The following FGD4 variants were observed in gnomAD, a reference collection of about 807,000 sequenced individuals.
The protein encoded by FGD4 is FYVE, RhoGEF and PH domain containing 4.
Under a neutral mutation model 102.0 loss-of-function variants are expected in FGD4, and 42 were observed. That is an observed-to-expected ratio of 0.41 (90% confidence interval 0.32 to 0.53). The LOEUF is 0.53. Ranked by LOEUF, FGD4 falls within the 20% of genes least tolerant of loss-of-function variation. The pLI is 0.21. For synonymous variants in FGD4, 380 were observed against 375.7 expected (o/e 1.01, Z -0.13); for missense variants, 902 against 1,078.2 (o/e 0.84, Z 2.29).
At chr12:32,581,921 A>G (rs760036390) in intron 3 of FGD4, 39 bp from the exon 4 acceptor site, 1 of 1,610,120 alleles carries the variant, frequency 6.2e-7, no homozygotes, top group East Asian at 2.2e-5. Flanking sequence ...ACTTTTCCAT[A>G]CCAATGTTTT....
chr12:32,608,226 G>C, intron 8 of FGD4, 131 bp downstream of exon 8: 1 of 1,312,330 alleles, frequency 7.6e-7, no homozygotes, highest in Non-Finnish European at 1.1e-6. Flanking sequence ...AATTTCATTG[G>C]AAATTGTTAT....
intron 1 of FGD4, among the ~76,000 whole-genome samples, chr12:32,487,280 G>A (rs1419902666): frequency 6.6e-6 from 1 of 152,126 alleles, no homozygotes; most frequent in Non-Finnish European, 1.5e-5. Context: ...AGATTTGTAA[G>A]CACAAACATT....
chr12:32,501,390 C>T (rs561104358), intron 1 of FGD4, among the ~76,000 whole-genome samples: 9 of 152,156 alleles, frequency 5.9e-5, no homozygotes, highest in Non-Finnish European at 1.0e-4. Flanking sequence ...CTTCCAAGGA[C>T]TTAACCTCTG....
chr12:32,475,338 G>C (rs1943557471), intron 1 of FGD4, among the ~76,000 whole-genome samples: 1 of 152,088 alleles, frequency 6.6e-6, no homozygotes, highest in African/African-American at 2.4e-5. Flanking sequence ...GATGTCTTAG[G>C]GGTTCACAAC....
At chr12:32,423,985 TTC>T (rs1283063394) in intron 1 of FGD4, among the ~76,000 whole-genome samples, 1 of 152,158 alleles carries the variant, frequency 6.6e-6, no homozygotes, top group East Asian at 1.9e-4. Flanking sequence ...GTATTTGTCT[TTC>T]TGTGCCTAGC....
intron 8 of FGD4, among the ~76,000 whole-genome samples, chr12:32,610,550 T>C (rs1258490058): frequency 1.3e-5 from 2 of 152,192 alleles, no homozygotes; most frequent in African/African-American, 4.8e-5. Flanking sequence ...TAATTAAACC[T>C]GTGAGCCTAA....
chr12:32,600,620 G>A (rs1457142542), intron 5 of FGD4: 21 of 249,690 alleles, frequency 8.4e-5, no homozygotes, highest in Non-Finnish European at 1.1e-4. Context: ...TTCAAGGTAC[G>A]TGTTACTATG....
chr12:32,438,843 C>A lies in FGD4; in HGVS notation c.166+38884C>A, dbSNP rs958017587. Among the ~76,000 whole-genome samples, 4 of 151,920 alleles carry A rather than the reference C, an allele frequency of 2.6e-5. No individual in the cohort carries two copies. In the South Asian group the frequency reaches 6.2e-4, roughly 24 times the overall value. On this transcript the variant is annotated intron_variant, in intron 1 of 16. Transcript: ENST00000534526. ...CAGGATGGTCTCGATCTCCTGACCT[C>A]GTGATCCGCCTGCCTTGGCCTCCCA...
At chr12:32,548,664 A>G (rs995728811) in intron 1 of FGD4, among the ~76,000 whole-genome samples, 1 of 152,200 alleles carries the variant, frequency 6.6e-6, no homozygotes, top group Admixed American at 6.5e-5. Context: ...GAATGAAGAG[A>G]AAGTGGACTG....
rs529930477 is a variant in FGD4, at chr12:32,629,781, A to G, written c.2173-3768A>G. Among the ~76,000 whole-genome samples the G allele has an allele frequency of 4.5e-4, 69 of 151,970 alleles. 1 individual carries two copies. Among genetic ancestry groups the G allele is most frequent in the East Asian group, 7.7e-4 (4 of 5,166 alleles). ...TTCCAAATCTGCCTGATCATTTTTG[A>G]TAGTGTTTGTTGTTTGCCACTTTAT... On this transcript the variant is annotated intron_variant, in intron 14 of 16. Transcript: ENST00000534526.
At chr12:32,611,956 C>T (rs575406780) in intron 10 of FGD4, among the ~76,000 whole-genome samples, 1 of 152,334 alleles carries the variant, frequency 6.6e-6, no homozygotes, top group African/African-American at 2.4e-5. Flanking sequence ...CACTGCCTGG[C>T]CTCTCCCCGC....
intron 10 of FGD4, among the ~76,000 whole-genome samples, chr12:32,616,317 C>G (rs1163496395): frequency 4.6e-5 from 7 of 152,162 alleles, no homozygotes; most frequent in Non-Finnish European, 8.8e-5. Context: ...GGCAAAGAAC[C>G]TTGGGGAAAG....
At chr12:32,551,107 T>C (rs1211311344) in intron 1 of FGD4, among the ~76,000 whole-genome samples, 2 of 152,072 alleles carry the variant, frequency 1.3e-5, no homozygotes, top group Admixed American at 1.3e-4. Context: ...TCCCAGAGAG[T>C]AGCAGAGGCA....
chr12:32,475,295 A>G (rs12831321), intron 1 of FGD4, among the ~76,000 whole-genome samples: 422 of 152,230 alleles, frequency 2.8e-3, no homozygotes, highest in Non-Finnish European at 4.2e-3. Context: ...CCACTGGTAT[A>G]TTTCTCTGAA....
chr12:32,577,084 AAAC>A (rs1236650361), intron 3 of FGD4, among the ~76,000 whole-genome samples: 1 of 152,182 alleles, frequency 6.6e-6, no homozygotes, highest in East Asian at 1.9e-4. Flanking sequence ...TGTTTGGAAA[AAAC>A]AAAGGTAGGT....
intron 1 of FGD4, among the ~76,000 whole-genome samples, chr12:32,483,736 T>C (rs1488903297): frequency 6.6e-6 from 1 of 152,186 alleles, no homozygotes; most frequent in Admixed American, 6.5e-5. Flanking sequence ...CCAGCCTGTG[T>C]AAGTGCCAGC....
intron 1 of FGD4, among the ~76,000 whole-genome samples, chr12:32,479,980 AG>A (rs1943684643): frequency 6.6e-6 from 1 of 151,340 alleles, no homozygotes; most frequent in African/African-American, 2.4e-5. Context: ...TTATAGAGAC[AG>A]GGTCCTTCCA....
chr12:32,612,353 T>C (rs929068658), intron 10 of FGD4, among the ~76,000 whole-genome samples: 8 of 152,186 alleles, frequency 5.3e-5, no homozygotes, highest in African/African-American at 1.9e-4. Flanking sequence ...GGCTCGCCTT[T>C]GGCAGGCCTG....
chr12:32,631,799 T>C (rs1026974145), intron 14 of FGD4, among the ~76,000 whole-genome samples: 9 of 152,138 alleles, frequency 5.9e-5, no homozygotes, highest in Admixed American at 3.9e-4. Flanking sequence ...CCACCATGTC[T>C]GGCCCAAACA....
Sources: allele counts gnomAD v4.1 joint callset (sites outside exome capture counted in the v4.1 genomes callset), GRCh38; gene constraint gnomAD v4.1.1; transcripts MANE v1.5; gene names NCBI Gene and HGNC (gene_info 2026-07-23, HGNC 2026-07-21).